Variants in ARHGAP15 observed in about 807,000 individuals in gnomAD.
ARHGAP15 encodes the protein rho GTPase-activating protein 15.
In ARHGAP15, 51 loss-of-function variants were observed where a neutral mutation model predicts 63.7. That is an observed-to-expected ratio of 0.80 (90% confidence interval 0.64 to 1.01). The LOEUF (loss-of-function observed/expected upper bound fraction) is 1.01, where lower values mean the gene tolerates loss of function less well. Among genes scored for constraint, ARHGAP15 ranks in the 50% least tolerant of loss-of-function variants. ARHGAP15 has a pLI of 0.00. For synonymous variants in ARHGAP15, 191 were observed against 193.8 expected, an observed-to-expected ratio of 0.99 and a Z score of 0.12; for missense variants, 560 against 564.6, an observed-to-expected ratio of 0.99 and a Z score of 0.08.
At chr2:143,647,971 T>C (rs574746510) in intron 12 of ARHGAP15, among the ~76,000 whole-genome samples, 1 of 152,126 alleles carries the variant, frequency 6.6e-6, no homozygotes, top group African/African-American at 2.4e-5. Context: ...TCCAGAAATC[T>C]AGCAGCCCAA....
chr2:143,332,640 A>G (rs1381551335), intron 6 of ARHGAP15, among the ~76,000 whole-genome samples: 2 of 152,170 alleles, frequency 1.3e-5, no homozygotes, highest in East Asian at 1.9e-4. Context: ...TGAATTCATG[A>G]AAGTGTTTTT....
intron 3 of ARHGAP15, 112 bp downstream of exon 3, chr2:143,202,314 A>G (rs1190471570): frequency 2.0e-5 from 17 of 845,406 alleles, no homozygotes; most frequent in Non-Finnish European, 3.0e-5. Context: ...TGGGTCAGGA[A>G]TCAGGGCACC....
At chr2:143,135,179 G>T (rs1016140127) in intron 1 of ARHGAP15, among the ~76,000 whole-genome samples, 2 of 152,148 alleles carry the variant, frequency 1.3e-5, no homozygotes, top group African/African-American at 4.8e-5. Context: ...GATTCAGTGA[G>T]GAGAGGAATT....
chr2:143,470,686 T>TAC (rs775663751), intron 8 of ARHGAP15, among the ~76,000 whole-genome samples: 78 of 137,124 alleles, frequency 5.7e-4, no homozygotes, highest in Non-Finnish European at 1.0e-3. Context: ...TGTATATATA[T>TAC]ATGTATATAT....
intron 12 of ARHGAP15, among the ~76,000 whole-genome samples, chr2:143,672,352 T>C (rs1682570226): frequency 6.6e-6 from 1 of 152,038 alleles, no homozygotes; most frequent in Admixed American, 6.5e-5. Context: ...CAAAAACCCA[T>C]AAAGTGGCTC....
At chr2:143,350,644 C>T (rs1685516600) in intron 6 of ARHGAP15, among the ~76,000 whole-genome samples, 1 of 147,688 alleles carries the variant, frequency 6.8e-6, no homozygotes, top group Non-Finnish European at 1.5e-5. Context: ...ACAGTGAAAC[C>T]CCGTCTCTAT....
intron 11 of ARHGAP15, chr2:143,607,771 C>G (rs1301762717): frequency 1.3e-5 from 2 of 152,144 alleles, no homozygotes; most frequent in Non-Finnish European, 2.9e-5. Context: ...CTCTCAAAAA[C>G]AAGATAGGAT....
intron 6 of ARHGAP15, among the ~76,000 whole-genome samples, chr2:143,419,563 G>A (rs957349104): frequency 2.0e-5 from 3 of 151,638 alleles, no homozygotes; most frequent in African/African-American, 2.4e-5. Context: ...AAAGAATAAT[G>A]CCATGGAAAA....
intron 6 of ARHGAP15, among the ~76,000 whole-genome samples, chr2:143,323,929 A>G (rs1227908832): frequency 6.8e-6 from 1 of 147,042 alleles, no homozygotes. Flanking sequence ...AAAAACACCT[A>G]AATAGGCAGA....
intron 3 of ARHGAP15, among the ~76,000 whole-genome samples, chr2:143,213,885 T>G (rs1287600113): frequency 6.6e-6 from 1 of 152,188 alleles, no homozygotes; most frequent in Non-Finnish European, 1.5e-5. Context: ...ATTTATTGAG[T>G]CTTAACTTGA....
intron 12 of ARHGAP15, among the ~76,000 whole-genome samples, chr2:143,656,937 GTGTGTGTGT>G (rs2105312088): frequency 3.8e-5 from 1 of 26,242 alleles, no homozygotes; most frequent in South Asian, 1.2e-3. Flanking sequence ...AGTTTCTGGT[GTGTGTGTGT>G]GTGTGTGTGT....
chr2:143,258,227 G>A (rs1680521598), intron 6 of ARHGAP15, among the ~76,000 whole-genome samples: 1 of 151,066 alleles, frequency 6.6e-6, no homozygotes, highest in Non-Finnish European at 1.5e-5. Context: ...TAATGAAGCT[G>A]GATCTGAAAG....
chr2:143,635,080 A>G (rs939813757), intron 12 of ARHGAP15, among the ~76,000 whole-genome samples: 1 of 151,862 alleles, frequency 6.6e-6, no homozygotes. Context: ...ACGTTCTCCA[A>G]ACTGGAAATG....
At chr2:143,490,292 C>T (rs1168367938) in intron 9 of ARHGAP15, among the ~76,000 whole-genome samples, 1 of 152,184 alleles carries the variant, frequency 6.6e-6, no homozygotes, top group Non-Finnish European at 1.5e-5. Context: ...AGCCACCACG[C>T]CCGGCCGGCC....
At chr2:143,706,523 T>A (rs1684334912) in intron 13 of ARHGAP15, 1 of 152,136 alleles carries the variant, frequency 6.6e-6, no homozygotes, top group Admixed American at 6.6e-5. Context: ...CTGAGTTAAA[T>A]GCACTCCTCA....
chr2:143,607,892 G>A (rs1038388755), intron 11 of ARHGAP15: 1 of 152,192 alleles, frequency 6.6e-6, no homozygotes, highest in African/African-American at 2.4e-5. Context: ...CTCCTAAGTG[G>A]AGGAATGCAG....
chr2:143,445,864 G>A (rs1178206693), intron 8 of ARHGAP15, among the ~76,000 whole-genome samples: 1 of 152,026 alleles, frequency 6.6e-6, no homozygotes, highest in Non-Finnish European at 1.5e-5. Context: ...AAGAAACTCT[G>A]TAATATATAA....
At chr2:143,725,114 T>C (rs1446621898) in intron 13 of ARHGAP15, among the ~76,000 whole-genome samples, 1 of 152,368 alleles carries the variant, frequency 6.6e-6, no homozygotes, top group African/African-American at 2.4e-5. Flanking sequence ...AATCCACATA[T>C]GATAAGTGTT....
chr2:143,141,764 A>G (rs1250666924), intron 1 of ARHGAP15, among the ~76,000 whole-genome samples: 1 of 152,182 alleles, frequency 6.6e-6, no homozygotes, highest in Admixed American at 6.6e-5. Flanking sequence ...TTACCAGCTT[A>G]GATTTAAAAA....
Sources: gnomAD v4.1 joint callset for allele counts (sites outside exome capture counted in the v4.1 genomes callset) on GRCh38, gnomAD v4.1.1 for gene constraint, MANE v1.5 for transcripts, NCBI Gene and HGNC (gene_info 2026-07-23, HGNC 2026-07-21) for gene names.